The following HECTD4 variants were observed in gnomAD, a reference collection of about 807,000 sequenced individuals.
The protein encoded by HECTD4 is probable E3 ubiquitin-protein ligase HECTD4.
HECTD4 carries 114 observed loss-of-function variants against 471.5 expected under a neutral mutation model. That is an observed-to-expected ratio of 0.24 (90% CI 0.21 to 0.28). The LOEUF (loss-of-function observed/expected upper bound fraction) is 0.28. Ranked by LOEUF, HECTD4 falls within the 10% of genes least tolerant of loss-of-function variation. The pLI, the probability that HECTD4 is intolerant of heterozygous loss-of-function variation, is 1.00. For missense variants in HECTD4, 3,866 were observed against 5,651.5 expected, an observed-to-expected ratio of 0.68 and a Z score of 10.13; for synonymous variants, 2,012 against 2,256.0, an observed-to-expected ratio of 0.89 and a Z score of 3.07.
Position 112,176,597 on chromosome 12 carries a change from T to G in HECTD4, c.11469A>C (p.Glu3823Asp). The G allele has an allele frequency of 6.2e-7, 1 of 1,610,100 alleles. No homozygotes were observed. Among genetic ancestry groups the G allele is most frequent in the Non-Finnish European group, 8.5e-7 (1 of 1,176,334 alleles). ...TCCAGGCCCCGTCTGCTCATTCACC[T>G]TCTTGTTTTTTGGTAGGTGACTTTT... ...DPEKSPTKKQ[E>D]VPEEKYLTLE... Residue 3823 changes from glutamate (E) to aspartate (D), a missense_variant and splice_region_variant, in exon 65 of 76, where the codon GAA becomes GAC. By Grantham distance (45) the Glu-to-Asp change is conservative (BLOSUM62 2). Around this residue, in one of 16 missense-constraint regions of HECTD4, gnomAD observed 715 missense variants for 1,087.6 expected, o/e 0.66. Transcript: ENST00000682272.
In HECTD4 at chr12:112,382,404, A is replaced by G; in HGVS notation, c.-276T>C. The G allele has an allele frequency of 6.4e-6, 2 of 312,380 alleles. No individual in the cohort carries two copies. The highest frequency in any genetic ancestry group is 1.1e-5 in the Non-Finnish European group (2 of 175,968). 19.4% of individuals were successfully genotyped at this position (312,380 alleles called of 1,614,324 possible). A position where few individuals can be genotyped will look rare whatever the true frequency, so the allele number is the denominator to read the frequency against. On this transcript the variant is annotated 5_prime_UTR_variant, in exon 1 of 76. The change abolishes the stop of an existing upstream ORF in the 5' untranslated region. Coordinates refer to ENST00000682272, the MANE Select transcript of HECTD4 (RefSeq NM_001388303.1). ...CTCTGCCGCTCGGCAACCAACTGTC[A>G]GTGAGACGCCATGTTGGGGGCGGGG...
chr12:112,194,961 G>A lies in HECTD4; in HGVS notation c.8673C>T (p.His2891=), dbSNP rs765869721. 1.2e-6 allele frequency: 2 copies of A among 1,611,102 alleles called. No homozygotes were observed. The highest frequency in any genetic ancestry group is 1.7e-5 in the Admixed American group (1 of 59,564). ...KLPHLFTRLF[H]IPAIRDITLE... is the part of the protein sequence containing the mutation. ...GGGTAATGTCCCGGATGGCAGGGAT[G>A]TGGAAGAGGCGAGTGAACAAGTGAG... Residue 2891 remains histidine, a synonymous_variant, in exon 56 of 76, where the codon CAC becomes CAT. Coordinates refer to ENST00000682272, the MANE Select transcript of HECTD4 (RefSeq NM_001388303.1). The surrounding 1 kb of genome is among the most constrained non-coding windows in gnomAD (Gnocchi z 4.6).
rs1192163373 is a variant in HECTD4, at chr12:112,216,159, G to C, written c.7465+133C>G. On this transcript the variant is annotated intron_variant, in intron 48 of 75. Transcript: ENST00000682272. ...TTTGGTGTAAACTAGGGGGCAGCAA[G>C]GACGTGTTTGGTTTTTGCTAAATGA... 12 of 646,840 alleles carry C rather than the reference G, an allele frequency of 1.9e-5. No individual in the cohort carries two copies. The Admixed American group carries it at 3.1e-4, about 16-fold the overall frequency. The allele number at this position is 646,840 out of a possible 1,614,324, so 40.1% of individuals were successfully genotyped here. A position where few individuals can be genotyped will look rare whatever the true frequency, so the allele number is the denominator to read the frequency against.
In HECTD4 at chr12:112,216,167, T is replaced by A. The variant is rs1215751327; in HGVS notation, c.7465+125A>T. On this transcript the variant is annotated intron_variant, in intron 48 of 75. Transcript: ENST00000682272. ...AAACTAGGGGGCAGCAAGGACGTGT[T>A]TGGTTTTTGCTAAATGACAAACTGC... is the stretch of plus-strand genomic sequence containing the variant. 8 of 673,464 alleles carry A rather than the reference T, an allele frequency of 1.2e-5. No homozygotes were observed. The African/African-American group carries it at 1.3e-4, about 11-fold the overall frequency. 41.7% of individuals were successfully genotyped at this position (673,464 alleles called of 1,614,324 possible).
intron 47 of HECTD4, 130 bp from the exon 48 acceptor site, chr12:112,216,501 G>A: frequency 2.9e-6 from 2 of 687,926 alleles, no homozygotes; most frequent in Non-Finnish European, 2.5e-6. Flanking sequence ...TATCACTTTA[G>A]TATTAAAATA....
At chr12:112,320,555 G>A (rs868132255) in intron 1 of HECTD4, among the ~76,000 whole-genome samples, 1 of 151,930 alleles carries the variant, frequency 6.6e-6, no homozygotes, top group South Asian at 2.1e-4. Context: ...AAAAAAATTA[G>A]CCAGGCGTGG....
chr12:112,185,590 G>A (rs2031833372), intron 60 of HECTD4, 97 bp from the exon 61 acceptor site: 1 of 897,494 alleles, frequency 1.1e-6, no homozygotes, highest in Middle Eastern at 2.4e-4. Context: ...TAACAACCCT[G>A]TGAACACTGA....
chr12:112,198,321 G>A (rs1372604082), intron 55 of HECTD4, among the ~76,000 whole-genome samples: 1 of 152,182 alleles, frequency 6.6e-6, no homozygotes, highest in Non-Finnish European at 1.5e-5. Flanking sequence ...GACAGCCAGG[G>A]GGAGCTCTGG....
intron 47 of HECTD4, 52 bp from the exon 48 acceptor site, chr12:112,216,423 T>A: frequency 8.1e-7 from 1 of 1,241,738 alleles, no homozygotes; most frequent in Non-Finnish European, 1.2e-6. Context: ...TAAGCCTCAC[T>A]GGCCAACACA....
Position 112,172,685 on chromosome 12 carries a change from A to T in HECTD4, c.11771T>A (p.Val3924Glu). ...LDPADAADPR[V>E]ACLLNVPIES... is the part of the protein sequence containing the mutation. The stretch of plus-strand genomic sequence containing the variant: ...GGGCCACATACTCAGGAGACAGGCC[A>T]CTCTGGGGTCAGCAGCATCCGCGGG... Residue 3924 changes from valine to glutamate, a missense_variant, in exon 67 of 76, where the codon GTG becomes GAG. Transcript: ENST00000682272. 6.2e-7 allele frequency: 1 copy of T among 1,613,836 alleles called. No individual in the cohort carries two copies. The highest frequency in any genetic ancestry group is 8.5e-7 in the Non-Finnish European group (1 of 1,179,870).
chr12:112,194,741 A>C lies in HECTD4; in HGVS notation c.8749+144T>G. ...AGAGTGAGAAAGCCCTGCCAGGAGA[A>C]TCCCAGTTCCTGCGTGCAATTTCTC... On this transcript the variant is annotated intron_variant, in intron 56 of 75. Transcript: ENST00000682272. This position sits in a 1 kb window ranked among gnomAD's most constrained non-coding sequence, Gnocchi z 4.6. 1 of 706,770 alleles carries C rather than the reference A, an allele frequency of 1.4e-6. No homozygotes were observed. The allele number at this position is 706,770 out of a possible 1,614,324, so 43.8% of individuals were successfully genotyped here. A position where few individuals can be genotyped will look rare whatever the true frequency, so the allele number is the denominator to read the frequency against.
At chr12:112,313,438 C>A (rs1266647712) in intron 3 of HECTD4, among the ~76,000 whole-genome samples, 7 of 148,668 alleles carry the variant, frequency 4.7e-5, no homozygotes, top group Non-Finnish European at 1.5e-5. Flanking sequence ...CCTCAGCCTC[C>A]AGAGTAGATG....
Position 112,172,737 on chromosome 12 carries a change from G to C in HECTD4, c.11719C>G (p.Leu3907Val), listed in dbSNP as rs767248257. 10 of 1,613,914 alleles carry C rather than the reference G, an allele frequency of 6.2e-6. No individual in the cohort carries two copies. The African/African-American group carries it at 1.2e-4, about 19-fold the overall frequency. The change falls in exon 67 of 76, where the codon CTC becomes GTC. Residue 3907 changes from leucine to valine, a missense_variant. Transcript: ENST00000682272. The part of the protein sequence containing the change: ...CRHLAITPAR[L>V]HPHEVYLDPA... ...TCCAGGTACACCTCATGGGGATGGA[G>C]CCGTGCGGGTGTGATGGCGAGGTGG...
At chr12:112,212,253 A>C (rs1440598137) in intron 49 of HECTD4, among the ~76,000 whole-genome samples, 2 of 152,218 alleles carry the variant, frequency 1.3e-5, no homozygotes, top group Non-Finnish European at 2.9e-5. Flanking sequence ...GTTGCTAAAA[A>C]AATGTCAAGG....
rs1412016592 is a variant in HECTD4 at position 112,163,352 on chromosome 12, A to G, written c.12898-88T>C. ...CCCTGGGGTCTGCAGGCCAGGCCCAATCCTGGGGCAGGGTGCAACGTGTGG... is the reference window on the plus strand; with the variant it reads ...CCCTGGGGTCTGCAGGCCAGGCCCAGTCCTGGGGCAGGGTGCAACGTGTGG... On this transcript the variant is annotated intron_variant, in intron 74 of 75. Transcript: ENST00000682272. The surrounding 1 kb of genome is among the most constrained non-coding windows in gnomAD (Gnocchi z 8.2). 8 of 1,275,912 alleles carry G rather than the reference A, an allele frequency of 6.3e-6. No individual in the cohort carries two copies. The highest frequency in any genetic ancestry group is 2.9e-5 in the South Asian group (2 of 69,640). 79.0% of individuals were successfully genotyped at this position (1,275,912 alleles called of 1,614,324 possible). A position where few individuals can be genotyped will look rare whatever the true frequency, so the allele number is the denominator to read the frequency against.
intron 1 of HECTD4, among the ~76,000 whole-genome samples, chr12:112,362,747 A>T (rs2036476382): frequency 6.6e-6 from 1 of 151,652 alleles, no homozygotes; most frequent in African/African-American, 2.4e-5. Context: ...TCTGTCAACC[A>T]GGCTGGAGTG....
intron 1 of HECTD4, among the ~76,000 whole-genome samples, chr12:112,330,557 C>T (rs149851958): frequency 3.5e-4 from 54 of 152,262 alleles, no homozygotes; most frequent in Middle Eastern, 6.8e-3. Context: ...AGCTCTGATA[C>T]GTGTAACAGT....
intron 1 of HECTD4, among the ~76,000 whole-genome samples, chr12:112,375,515 G>C (rs1270025434): frequency 6.6e-6 from 1 of 152,126 alleles, no homozygotes; most frequent in Non-Finnish European, 1.5e-5. Context: ...AAGTCAATCA[G>C]CTTCTCTGTC....
intron 15 of HECTD4, 123 bp downstream of exon 15, chr12:112,265,755 A>C: frequency 1.5e-6 from 1 of 678,592 alleles, no homozygotes; most frequent in Non-Finnish European, 2.6e-6. Context: ...TCCATGCTTT[A>C]GGTTTAACAT....
Sources: gnomAD v4.1 joint callset for allele counts (sites outside exome capture counted in the v4.1 genomes callset) on GRCh38, gnomAD v4.1.1 for gene constraint, gnomAD v4.1.1 regional missense constraint, Gnocchi (gnomAD v3.1) non-coding constraint, MANE v1.5 for transcripts, NCBI Gene and HGNC (gene_info 2026-07-23, HGNC 2026-07-21) for gene names.